Variants in IL36B observed in about 807,000 individuals in gnomAD.
The protein encoded by IL36B is interleukin 36 beta.
A neutral mutation model predicts 19.3 loss-of-function variants in IL36B; 23 were observed. The ratio of observed to expected loss-of-function variants is 1.19; its 90% CI spans 0.86 to 1.69. The LOEUF is 1.69. Among genes scored for constraint, IL36B ranks in the 40% most tolerant of loss-of-function variants. The pLI is 0.00. For missense variants in IL36B, 217 were observed against 200.5 expected (o/e 1.08, Z -0.50); for synonymous variants, 59 against 59.7 (o/e 0.99, Z 0.05).
At chr2:113,027,908 C>A (rs184100396) in intron 4 of IL36B, 32 of 1,613,878 alleles carry the variant, frequency 2.0e-5, no homozygotes, top group Admixed American at 1.0e-4. Flanking sequence ...TGGATTTATT[C>A]CACAGAATCT....
intron 2 of IL36B, among the ~76,000 whole-genome samples, 157 bp downstream of exon 2, chr2:113,031,540 G>A (rs1474437805): frequency 6.6e-6 from 1 of 152,100 alleles, no homozygotes; most frequent in African/African-American, 2.4e-5. Flanking sequence ...AAAGAGCTAG[G>A]TGCCCCGAGA....
At position 113,022,924 on chromosome 2, in the gene IL36B, G is replaced by A. The variant is rs1684888602; in HGVS notation, c.392-147C>T. The A allele has an allele frequency of 6.8e-6, 4 of 592,200 alleles. No homozygotes were observed. The Admixed American group carries it at 1.1e-4, about 17-fold the overall frequency. 36.7% of individuals were successfully genotyped at this position (592,200 alleles called of 1,614,324 possible). A position where few individuals can be genotyped will look rare whatever the true frequency, so the allele number is the denominator to read the frequency against. ...GCCTTCCTCTCAGCCTTACTCACTT[G>A]ATTCTGCTGAAGAGTGATGGATTAT... On this transcript the variant is annotated intron_variant, in intron 5 of 5. Coordinates refer to ENST00000259213, the MANE Select transcript of IL36B (RefSeq NM_014438.5).
At chr2:113,050,678 CATCT>C (rs1227436321) in intron 1 of IL36B, among the ~76,000 whole-genome samples, 1 of 152,108 alleles carries the variant, frequency 6.6e-6, no homozygotes, top group African/African-American at 2.4e-5. Context: ...AATGTGCAGA[CATCT>C]ATCGAATAAA....
At chr2:113,029,195 C>T (rs750441893) in intron 3 of IL36B, 117 bp from the exon 4 acceptor site, 7 of 941,858 alleles carry the variant, frequency 7.4e-6, no homozygotes, top group Admixed American at 5.1e-5. Context: ...TGGCAGAGAC[C>T]CTCCATCACC....
chr2:113,032,133 C>CTGTGTGTGTG (rs56385654), intron 1 of IL36B, among the ~76,000 whole-genome samples: 2,211 of 143,980 alleles, frequency 0.015, 26 homozygotes, highest in South Asian at 0.044. Context: ...GTGTGTGTGT[C>CTGTGTGTGTG]TGTGTGTGTG....
At position 113,031,986 on chromosome 2, in the gene IL36B, T is replaced by A. The variant is rs1573368642; in HGVS notation, c.-57-220A>T. Among the ~76,000 whole-genome samples, 4 of 152,110 alleles carry A rather than the reference T, an allele frequency of 2.6e-5. No individual in the cohort carries two copies. The East Asian group carries it at 7.7e-4, about 29-fold the overall frequency. The stretch of plus-strand genomic sequence containing the variant: ...CTGCTGTGGCTGGCACAGTCCTGCT[T>A]CTCTAGGCTGTGATGGTCTTGGTAT... On this transcript the variant is annotated intron_variant, in intron 1 of 5. Coordinates refer to ENST00000259213, the MANE Select transcript of IL36B (RefSeq NM_014438.5).
At chr2:113,029,469 T>C (rs1685033485) in intron 3 of IL36B, among the ~76,000 whole-genome samples, 1 of 152,148 alleles carries the variant, frequency 6.6e-6, no homozygotes. Context: ...GATGATGTTA[T>C]CTTAGAAATC....
In IL36B at chr2:113,031,724, CT is replaced by C; in HGVS notation, c.-16del. On this transcript the variant is annotated 5_prime_UTR_variant, in exon 2 of 6. Transcript: ENST00000259213. The stretch of plus-strand genomic sequence containing the variant: ...TGTGGGTTCATGATGTCTTCAGAGC[CT>C]TTTGTGAAGAGAACAAGATAGATCA... 1 of 1,606,498 alleles carries C rather than the reference CT, an allele frequency of 6.2e-7. No homozygotes were observed. The highest frequency in any genetic ancestry group is 8.5e-7 in the Non-Finnish European group (1 of 1,173,494).
chr2:113,030,963 G>C (rs568411424), intron 3 of IL36B, 85 bp downstream of exon 3: 1 of 996,970 alleles, frequency 1.0e-6, no homozygotes, highest in African/African-American at 1.6e-5. Context: ...GTGAGGTCCA[G>C]GGCCAGGCTT....
At chr2:113,026,254 T>C (rs190231532) in intron 4 of IL36B, 1 of 1,613,112 alleles carries the variant, frequency 6.2e-7, no homozygotes. Context: ...AAATGTTCAA[T>C]GTTGCTGAGA....
At chr2:113,025,005 C>T (rs1386171613) in intron 5 of IL36B, among the ~76,000 whole-genome samples, 1 of 152,196 alleles carries the variant, frequency 6.6e-6, no homozygotes, top group Non-Finnish European at 1.5e-5. Context: ...TCTTGTGCCC[C>T]TATGCTGTTG....
At chr2:113,029,129 C>A (rs765876870) in intron 3 of IL36B, 51 bp from the exon 4 acceptor site, 3 of 1,569,086 alleles carry the variant, frequency 1.9e-6, no homozygotes, top group Non-Finnish European at 2.6e-6. Context: ...TCTGGTCTGA[C>A]ACTCAGTTAC....
chr2:113,027,971 G>T, intron 4 of IL36B: 1 of 1,614,164 alleles, frequency 6.2e-7, no homozygotes, highest in Non-Finnish European at 8.5e-7. Flanking sequence ...AGAAAGATGG[G>T]CTGTCCTGAT....
intron 1 of IL36B, among the ~76,000 whole-genome samples, chr2:113,048,175 T>C (rs1014822044): frequency 1.3e-5 from 2 of 152,226 alleles, no homozygotes; most frequent in Non-Finnish European, 2.9e-5. Flanking sequence ...AGATGTATCA[T>C]GCAAATACTA....
chr2:113,036,462 T>C (rs1685169167), intron 1 of IL36B, among the ~76,000 whole-genome samples: 2 of 152,166 alleles, frequency 1.3e-5, no homozygotes, highest in South Asian at 4.2e-4. Flanking sequence ...TTTTCTCTTT[T>C]TGCTCAGAGA....
At chr2:113,036,024 C>T (rs1227148949) in intron 1 of IL36B, among the ~76,000 whole-genome samples, 1 of 152,150 alleles carries the variant, frequency 6.6e-6, no homozygotes, top group Non-Finnish European at 1.5e-5. Flanking sequence ...CTCACTGAAA[C>T]CTCCGCCCCA....
intron 1 of IL36B, among the ~76,000 whole-genome samples, chr2:113,050,342 TAAC>T (rs1195578224): frequency 2.5e-5 from 3 of 118,688 alleles, no homozygotes; most frequent in African/African-American, 4.0e-5. Context: ...AATAAACTAA[TAAC>T]AAAAAAAAAA....
intron 1 of IL36B, among the ~76,000 whole-genome samples, chr2:113,044,254 ATC>A: frequency 6.9e-6 from 1 of 145,024 alleles, no homozygotes; most frequent in Non-Finnish European, 1.5e-5. Context: ...ATATATCTAT[ATC>A]TATATGTGTG....
intron 3 of IL36B, 118 bp from the exon 4 acceptor site, chr2:113,029,196 C>G: frequency 1.1e-6 from 1 of 945,580 alleles, no homozygotes; most frequent in Non-Finnish European, 1.6e-6. Context: ...GGCAGAGACC[C>G]TCCATCACCC....
Sources: gnomAD v4.1 joint callset for allele counts (sites outside exome capture counted in the v4.1 genomes callset) on GRCh38, gnomAD v4.1.1 for gene constraint, MANE v1.5 for transcripts, NCBI Gene and HGNC (gene_info 2026-07-23, HGNC 2026-07-21) for gene names.